TFEC: variants seen among roughly 807,000 people sequenced by gnomAD.
TFEC encodes the protein transcription factor EC.
Under a neutral mutation model 41.6 loss-of-function variants are expected in TFEC, and 31 were observed. The ratio of observed to expected loss-of-function variants is 0.74; its 90% CI spans 0.56 to 1.01. The LOEUF (loss-of-function observed/expected upper bound fraction) is 1.01, where lower values mean the gene tolerates loss of function less well. TFEC is among the 50% of genes least tolerant of loss of function. The probability of loss-of-function intolerance (pLI) is 0.00; values close to 1 mark genes in which losing one functional copy is unlikely to be tolerated. For synonymous variants in TFEC, 143 were observed against 140.6 expected, an observed-to-expected ratio of 1.02 and a Z score of -0.12; for missense variants, 402 against 404.1, an observed-to-expected ratio of 0.99 and a Z score of 0.04.
intron 3 of TFEC, among the ~76,000 whole-genome samples, chr7:116,066,539 T>C (rs987776042): frequency 2.6e-5 from 4 of 152,174 alleles, no homozygotes; most frequent in Admixed American, 2.6e-4. Flanking sequence ...TATTTTAAAA[T>C]GTCAAATTAT....
At chr7:115,941,185 T>A (rs1483907751) in intron 7 of TFEC, 1 of 367,248 alleles carries the variant, frequency 2.7e-6, no homozygotes, top group Admixed American at 4.3e-5. Flanking sequence ...TGATGATGGT[T>A]CCATAGTGGC....
chr7:116,121,104 T>C (rs1013723195), intron 1 of TFEC, among the ~76,000 whole-genome samples: 1 of 152,082 alleles, frequency 6.6e-6, no homozygotes, highest in African/African-American at 2.4e-5. Context: ...CAAATGTTCA[T>C]AGCAGGATCA....
intron 3 of TFEC, chr7:116,110,567 T>C (rs967410064): frequency 6.1e-6 from 3 of 494,066 alleles, no homozygotes; most frequent in Admixed American, 4.3e-5. Context: ...ATCCACTTAC[T>C]GGAAATTGGG....
intron 1 of TFEC, among the ~76,000 whole-genome samples, chr7:116,153,809 A>C (rs1798813642): frequency 6.6e-6 from 1 of 152,232 alleles, no homozygotes; most frequent in Non-Finnish European, 1.5e-5. Context: ...AAACAGCAAC[A>C]GAAATTGTTG....
intron 3 of TFEC, among the ~76,000 whole-genome samples, chr7:116,054,038 C>T (rs937761162): frequency 6.6e-5 from 10 of 152,108 alleles, no homozygotes; most frequent in African/African-American, 2.4e-4. Flanking sequence ...TTGGAGTTTA[C>T]AGCTAGTAGA....
At chr7:115,948,651 C>T (rs1488746613) in intron 6 of TFEC, among the ~76,000 whole-genome samples, 14 of 151,656 alleles carry the variant, frequency 9.2e-5, no homozygotes, top group Admixed American at 2.0e-4. Context: ...TTCAACAACC[C>T]TTCATGCTAA....
intron 3 of TFEC, among the ~76,000 whole-genome samples, chr7:115,972,089 A>G (rs1401927299): frequency 1.3e-5 from 2 of 152,028 alleles, no homozygotes; most frequent in African/African-American, 2.4e-5. Context: ...CTATTCTTGT[A>G]CATTCTCTTT....
Position 115,937,483 on chromosome 7 carries a change from A to G in TFEC, c.*3068T>C, listed in dbSNP as rs1793287099. 1 of 151,770 alleles carries G rather than the reference A, an allele frequency of 6.6e-6. No homozygotes were observed. Among genetic ancestry groups the G allele is most frequent in the Non-Finnish European group, 1.5e-5 (1 of 67,742 alleles). 9.4% of individuals were successfully genotyped at this position (151,770 alleles called of 1,614,324 possible). On this transcript the variant is annotated 3_prime_UTR_variant, in exon 8 of 8. Coordinates refer to ENST00000265440, the MANE Select transcript of TFEC (RefSeq NM_012252.4). ...TTAAATTCACACTATTTTTGTTTGG[A>G]AATTTATTTGCATCATTTCAAAATG...
chr7:116,008,755 G>A (rs1524476), intron 1 of TFEC, among the ~76,000 whole-genome samples: 4,375 of 152,218 alleles, frequency 0.029, 198 homozygotes, highest in African/African-American at 0.097. Context: ...ATACAGTCGA[G>A]CTTGTCTGAT....
chr7:115,969,283 G>A (rs1489106567), intron 3 of TFEC, among the ~76,000 whole-genome samples: 1 of 151,736 alleles, frequency 6.6e-6, no homozygotes, highest in Non-Finnish European at 1.5e-5. Context: ...ATTCTACAGG[G>A]GGAAGCATAG....
At chr7:116,158,563 A>T in intron 1 of TFEC, among the ~76,000 whole-genome samples, 1 of 152,124 alleles carries the variant, frequency 6.6e-6, no homozygotes, top group East Asian at 1.9e-4. Context: ...TTCTGGCACA[A>T]TTCTCAAAAT....
In TFEC at chr7:116,057,060, G is replaced by C. The variant is rs147351368; in HGVS notation, c.198+53648C>G. On this transcript the variant is annotated intron_variant, in intron 3 of 8. Coordinates refer to the TFEC transcript ENST00000484212. ...TGGAAATAACAGCAGATTCACTACT[G>C]CAGAAAAAAACTAGAAAACTTACAG... Among the ~76,000 whole-genome samples, 51 of 151,998 alleles carry C rather than the reference G, an allele frequency of 3.4e-4. No individual in the cohort carries two copies. The East Asian group carries it at 8.1e-3, about 24-fold the overall frequency.
At chr7:116,007,580 C>T (rs1036195190) in intron 1 of TFEC, among the ~76,000 whole-genome samples, 4 of 152,120 alleles carry the variant, frequency 2.6e-5, no homozygotes, top group East Asian at 1.9e-4. Flanking sequence ...CTTATTCCCA[C>T]GATTTACTTT....
intron 3 of TFEC, among the ~76,000 whole-genome samples, chr7:116,066,849 G>A (rs982088564): frequency 5.3e-5 from 8 of 151,958 alleles, no homozygotes; most frequent in Non-Finnish European, 1.0e-4. Context: ...CCTAGGCACC[G>A]TTTAGTTTAC....
chr7:115,963,620 GAAACTTGA>G (rs143789766), intron 3 of TFEC, among the ~76,000 whole-genome samples: 2 of 151,804 alleles, frequency 1.3e-5, no homozygotes, highest in Non-Finnish European at 2.9e-5. Context: ...CAACATGGGT[GAAACTTGA>G]AAAAATTATG....
intron 2 of TFEC, among the ~76,000 whole-genome samples, chr7:115,982,449 G>A (rs1445146284): frequency 6.6e-6 from 1 of 152,066 alleles, no homozygotes; most frequent in South Asian, 2.1e-4. Context: ...AGACTATTGC[G>A]ACAACACAGG....
At position 115,939,192 on chromosome 7, in the gene TFEC, C is replaced by A. The variant is rs1207059742; in HGVS notation, c.*1359G>T. The A allele has an allele frequency of 6.6e-6, 1 of 151,810 alleles. No homozygotes were observed. The highest frequency in any genetic ancestry group is 1.5e-5 in the Non-Finnish European group (1 of 67,918). 9.4% of individuals were successfully genotyped at this position (151,810 alleles called of 1,614,324 possible). The stretch of plus-strand genomic sequence containing the variant: ...CTCATTAACTACCTTAGGAGTAAGA[C>A]CATATCTTTTTCAACTCTTCTACAT... On this transcript the variant is annotated 3_prime_UTR_variant, in exon 8 of 8. Coordinates refer to ENST00000265440, the MANE Select transcript of TFEC (RefSeq NM_012252.4).
At chr7:116,071,786 C>T (rs1313325388) in intron 3 of TFEC, among the ~76,000 whole-genome samples, 1 of 151,426 alleles carries the variant, frequency 6.6e-6, no homozygotes, top group Middle Eastern at 3.4e-3. Context: ...AGAATGCCTC[C>T]CTGCCTGTGA....
intron 3 of TFEC, among the ~76,000 whole-genome samples, chr7:116,053,745 C>T (rs2130964443): frequency 6.6e-6 from 1 of 152,296 alleles, no homozygotes; most frequent in South Asian, 2.1e-4. Flanking sequence ...GAAATTTCCA[C>T]TAACAAGAAG....
Sources: allele counts gnomAD v4.1 joint callset (sites outside exome capture counted in the v4.1 genomes callset), GRCh38; gene constraint gnomAD v4.1.1; transcripts MANE v1.5; gene names NCBI Gene and HGNC (gene_info 2026-07-23, HGNC 2026-07-21).